Variants in KCNQ3 observed in about 807,000 individuals in gnomAD.
KCNQ3 encodes the protein potassium voltage-gated channel subfamily KQT member 3.
A neutral mutation model predicts 92.5 loss-of-function variants in KCNQ3; 30 were observed. The ratio of observed to expected loss-of-function variants is 0.32; its 90% confidence interval spans 0.24 to 0.44. The LOEUF is 0.44. Ranked by LOEUF, KCNQ3 falls within the 20% of genes least tolerant of loss-of-function variation. The pLI is 1.00. For missense variants in KCNQ3, 913 were observed against 1,140.3 expected (o/e 0.80, Z 2.87); for synonymous variants, 450 against 468.8 (o/e 0.96, Z 0.52).
At chr8:132,336,091 A>G (rs1818361289) in intron 1 of KCNQ3, among the ~76,000 whole-genome samples, 1 of 152,226 alleles carries the variant, frequency 6.6e-6, no homozygotes, top group South Asian at 2.1e-4. Context: ...TCACCATCAC[A>G]GTCCCACACC....
intron 1 of KCNQ3, chr8:132,278,066 C>A: frequency 1.0e-6 from 1 of 985,304 alleles, no homozygotes; most frequent in Non-Finnish European, 1.2e-6. Flanking sequence ...GACACAATTA[C>A]ACCAAAATCT....
chr8:132,151,799 C>A (rs1825642929), intron 9 of KCNQ3, among the ~76,000 whole-genome samples: 1 of 152,098 alleles, frequency 6.6e-6, no homozygotes, highest in Non-Finnish European at 1.5e-5. Flanking sequence ...TTTCAGAGGG[C>A]CTCTGGAGTA....
intron 1 of KCNQ3, among the ~76,000 whole-genome samples, chr8:132,326,192 G>GA (rs1293967986): frequency 6.6e-6 from 1 of 152,192 alleles, no homozygotes; most frequent in African/African-American, 2.4e-5. Context: ...GAAGTGGCAT[G>GA]AGTGCAGAAG....
rs931496928 is a variant in KCNQ3 at position 132,396,186 on chromosome 8, T to G, written c.386+83961A>C. 3.9e-5 allele frequency among the ~76,000 whole-genome samples: 6 copies of G among 152,192 alleles called. No individual in the cohort carries two copies. In the East Asian group the frequency reaches 7.8e-4, roughly 20 times the overall value. On this transcript the variant is annotated intron_variant, in intron 1 of 14. Transcript: ENST00000388996. ...TGGGTGCTCCACATATGTTTCTCAT[T>G]TAGTCTCCGAAATGGCCCACTCTTT...
intron 2 of KCNQ3, among the ~76,000 whole-genome samples, chr8:132,185,298 C>T (rs1418383361): frequency 6.6e-6 from 1 of 152,278 alleles, no homozygotes; most frequent in Admixed American, 6.5e-5. Context: ...GCCCTGTGTG[C>T]AGGATGGGGC....
chr8:132,337,381 C>T (rs1818394358), intron 1 of KCNQ3, among the ~76,000 whole-genome samples: 1 of 152,104 alleles, frequency 6.6e-6, no homozygotes, highest in African/African-American at 2.4e-5. Flanking sequence ...CCTGTAGTGC[C>T]AGCTACTCAG....
At chr8:132,400,690 G>A (rs1298137920) in intron 1 of KCNQ3, among the ~76,000 whole-genome samples, 2 of 152,232 alleles carry the variant, frequency 1.3e-5, no homozygotes, top group African/African-American at 4.8e-5. Flanking sequence ...AATCACAGAG[G>A]CTTATCCCAG....
At chr8:132,213,319 A>T (rs1281595465) in intron 1 of KCNQ3, among the ~76,000 whole-genome samples, 1 of 152,038 alleles carries the variant, frequency 6.6e-6, no homozygotes, top group Non-Finnish European at 1.5e-5. Flanking sequence ...TTCACTGACC[A>T]AGGTGCCGCT....
chr8:132,159,499 A>T (rs1407206196), intron 9 of KCNQ3, among the ~76,000 whole-genome samples: 1 of 152,100 alleles, frequency 6.6e-6, no homozygotes, highest in East Asian at 1.9e-4. Context: ...TGAATATGTA[A>T]CTCAAACTGG....
intron 1 of KCNQ3, among the ~76,000 whole-genome samples, chr8:132,236,382 C>T (rs539011280): frequency 2.6e-5 from 4 of 152,072 alleles, no homozygotes; most frequent in Non-Finnish European, 4.4e-5. Context: ...CTTTGAAGCT[C>T]GCAGGGATTC....
chr8:132,175,432 G>A, intron 5 of KCNQ3, 21 bp downstream of exon 5: 1 of 1,613,620 alleles, frequency 6.2e-7, no homozygotes, highest in Non-Finnish European at 8.5e-7. Flanking sequence ...CACAGAATTG[G>A]CCTCCAAGGT....
At chr8:132,316,478 G>T (rs1271420087) in intron 1 of KCNQ3, among the ~76,000 whole-genome samples, 2 of 152,200 alleles carry the variant, frequency 1.3e-5, no homozygotes, top group Non-Finnish European at 2.9e-5. Context: ...CATTAGTAAA[G>T]CAGGAAAAAC....
intron 1 of KCNQ3, among the ~76,000 whole-genome samples, chr8:132,291,409 ATTG>A (rs946015818): frequency 8.5e-5 from 13 of 152,162 alleles, no homozygotes; most frequent in African/African-American, 3.1e-4. Flanking sequence ...CCTGCTTATT[ATTG>A]TTGTTGTTCT....
intron 1 of KCNQ3, among the ~76,000 whole-genome samples, chr8:132,209,767 G>A (rs1358941261): frequency 1.3e-5 from 2 of 152,158 alleles, no homozygotes; most frequent in African/African-American, 4.8e-5. Flanking sequence ...TTCTGAGCAT[G>A]TTTAAGGTAG....
At chr8:132,152,012 A>C (rs1375085980) in intron 9 of KCNQ3, among the ~76,000 whole-genome samples, 1 of 152,242 alleles carries the variant, frequency 6.6e-6, no homozygotes, top group Non-Finnish European at 1.5e-5. Context: ...ACCATGAGAT[A>C]ATCAAACTTC....
chr8:132,330,151 G>C (rs766311449), intron 1 of KCNQ3, among the ~76,000 whole-genome samples: 3 of 152,206 alleles, frequency 2.0e-5, no homozygotes, highest in Non-Finnish European at 4.4e-5. Flanking sequence ...TGAAGATGGA[G>C]TGGAGACTGC....
At chr8:132,228,724 C>G (rs992451984) in intron 1 of KCNQ3, among the ~76,000 whole-genome samples, 1 of 149,858 alleles carries the variant, frequency 6.7e-6, no homozygotes, top group African/African-American at 2.5e-5. Context: ...GTGCCTGAAA[C>G]TCTTCCTCCA....
chr8:132,436,685 T>C (rs544816952), intron 1 of KCNQ3, among the ~76,000 whole-genome samples: 2 of 152,358 alleles, frequency 1.3e-5, no homozygotes, highest in Admixed American at 1.3e-4. Context: ...TTTGAGTTTG[T>C]TTCTCCACAC....
chr8:132,391,288 C>G (rs1282575130), intron 1 of KCNQ3, among the ~76,000 whole-genome samples: 1 of 152,056 alleles, frequency 6.6e-6, no homozygotes, highest in Non-Finnish European at 1.5e-5. Context: ...TTCATTCCAC[C>G]CTTTACTGGC....
Sources: allele counts gnomAD v4.1 joint callset (sites outside exome capture counted in the v4.1 genomes callset), GRCh38; gene constraint gnomAD v4.1.1; transcripts MANE v1.5; gene names NCBI Gene and HGNC (gene_info 2026-07-23, HGNC 2026-07-21).